The following CELSR1 variants were observed in gnomAD, a reference collection of about 807,000 sequenced individuals.
CELSR1 encodes the protein cadherin EGF LAG seven-pass G-type receptor 1, also known as adhesion G protein-coupled receptor C1.
A neutral mutation model predicts 249.1 loss-of-function variants in CELSR1; 110 were observed. That is an observed-to-expected ratio of 0.44 (90% CI 0.38 to 0.52). CELSR1 has a LOEUF of 0.52. CELSR1 is among the 20% of genes least tolerant of loss of function. CELSR1 has a pLI of 0.00. For synonymous variants in CELSR1, 2,113 were observed against 1,900.0 expected, an observed-to-expected ratio of 1.11 and a Z score of -2.92; for missense variants, 4,109 against 4,296.4, an observed-to-expected ratio of 0.96 and a Z score of 1.22.
At chr22:46,489,856 C>A (rs985574471) in intron 1 of CELSR1, among the ~76,000 whole-genome samples, 3 of 151,032 alleles carry the variant, frequency 2.0e-5, no homozygotes, top group Non-Finnish European at 4.4e-5. Flanking sequence ...AATTGCGCCA[C>A]TGCACTCCAG....
chr22:46,528,866 T>G (rs952845115), intron 1 of CELSR1, among the ~76,000 whole-genome samples: 7 of 150,662 alleles, frequency 4.6e-5, no homozygotes, highest in Non-Finnish European at 7.4e-5. Flanking sequence ...GAGGCGGAGC[T>G]TGCAGTGAGC....
Position 46,507,814 on chromosome 22 carries a change from T to C in CELSR1, c.3544+25813A>G, listed in dbSNP as rs146037297. 5.5e-3 allele frequency among the ~76,000 whole-genome samples: 833 copies of C among 152,198 alleles called. 8 individuals are homozygous for C. Among genetic ancestry groups the C allele is most frequent in the African/African-American group, 0.02 (810 of 41,530 alleles). ...TGTGAAGCCGGCGAGCCTGCCTCTT[T>C]CCCAGAACCTAACACAGCCCAGAGT... On this transcript the variant is annotated intron_variant, in intron 1 of 34. Coordinates refer to ENST00000674500, the MANE Select transcript of CELSR1 (RefSeq NM_001378328.1).
intron 2 of CELSR1, among the ~76,000 whole-genome samples, chr22:46,453,702 T>C (rs1490883282): frequency 1.3e-5 from 2 of 152,172 alleles, no homozygotes; most frequent in Non-Finnish European, 2.9e-5. Context: ...TCTGGGTCAC[T>C]ACTCTCAGGG....
intron 1 of CELSR1, among the ~76,000 whole-genome samples, chr22:46,498,835 C>T (rs890397010): frequency 1.3e-5 from 2 of 151,728 alleles, no homozygotes; most frequent in East Asian, 3.9e-4. Flanking sequence ...AAAATTAACT[C>T]AATAAATTAA....
chr22:46,370,183 G>A (rs1378708614), intron 25 of CELSR1: 1 of 462,290 alleles, frequency 2.2e-6, no homozygotes, highest in Non-Finnish European at 4.3e-6. Context: ...AGGAGGCCAT[G>A]ATGGACCCAA....
intron 1 of CELSR1, among the ~76,000 whole-genome samples, chr22:46,508,680 A>G (rs1285596766): frequency 6.6e-6 from 1 of 152,110 alleles, no homozygotes; most frequent in Non-Finnish European, 1.5e-5. Context: ...GTCGCCTTCC[A>G]AGGCGGTGTG....
chr22:46,409,194 C>T lies in CELSR1; in HGVS notation c.5060-32G>A, dbSNP rs1341309533. 6.2e-7 allele frequency: 1 copy of T among 1,605,238 alleles called. No homozygotes were observed. Among genetic ancestry groups the T allele is most frequent in the African/African-American group, 1.3e-5 (1 of 74,544 alleles). ...ACACAGGCCCAGGGACCTCAGGTGT[C>T]TCCCGAAATCACACGGCCGCGGACT... is the stretch of plus-strand genomic sequence containing the variant. On this transcript the variant is annotated intron_variant, in intron 8 of 34. Coordinates refer to ENST00000674500, the MANE Select transcript of CELSR1 (RefSeq NM_001378328.1). This position sits in a 1 kb window ranked among gnomAD's most constrained non-coding sequence, Gnocchi z 9.8.
chr22:46,366,503 T>TC (rs1425596419), intron 29 of CELSR1, 23 bp from the exon 30 acceptor site: 1 of 1,535,762 alleles, frequency 6.5e-7, no homozygotes. Flanking sequence ...GAGGGGCTGG[T>TC]CACTGCCAAG....
At position 46,423,711 on chromosome 22, in the gene CELSR1, G is replaced by A. The variant is rs1445178727; in HGVS notation, c.4611+9682C>T. ...GTATGGGCCGGGTGCGGTGGCTCACGCCTATAATCCAGCACTTTGGGAGGC... is the reference window on the plus strand; with the variant it reads ...GTATGGGCCGGGTGCGGTGGCTCACACCTATAATCCAGCACTTTGGGAGGC... On this transcript the variant is annotated intron_variant, in intron 5 of 34. Coordinates refer to ENST00000674500, the MANE Select transcript of CELSR1 (RefSeq NM_001378328.1). The surrounding 1 kb of genome is among the most constrained non-coding windows in gnomAD (Gnocchi z 5.6). 2.0e-5 allele frequency among the ~76,000 whole-genome samples: 3 copies of A among 151,596 alleles called. No homozygotes were observed. The highest frequency in any genetic ancestry group is 4.9e-5 in the African/African-American group (2 of 41,210).
chr22:46,532,785 T>C (rs774399154), intron 1 of CELSR1, among the ~76,000 whole-genome samples: 3 of 152,156 alleles, frequency 2.0e-5, no homozygotes, highest in Admixed American at 1.3e-4. Context: ...CTTCTCTCTC[T>C]TCTGTGTCTC....
At chr22:46,376,695 A>AT in intron 24 of CELSR1, among the ~76,000 whole-genome samples, 1 of 151,214 alleles carries the variant, frequency 6.6e-6, no homozygotes, top group Admixed American at 6.6e-5. Flanking sequence ...CAAGAGTTGT[A>AT]TTTTCCTGGG....
chr22:46,487,276 G>A (rs1176775367), intron 1 of CELSR1, among the ~76,000 whole-genome samples: 3 of 151,996 alleles, frequency 2.0e-5, no homozygotes, highest in Non-Finnish European at 4.4e-5. Context: ...GCTAATTGCA[G>A]ACGATGTCTG....
In CELSR1 at chr22:46,437,033, G is replaced by T. The variant is rs1459383558; in HGVS notation, c.4407-744C>A. On this transcript the variant is annotated intron_variant, in intron 3 of 34. Coordinates refer to ENST00000674500, the MANE Select transcript of CELSR1 (RefSeq NM_001378328.1). This position sits in a 1 kb window ranked among gnomAD's most constrained non-coding sequence, Gnocchi z 4.9. The stretch of plus-strand genomic sequence containing the variant: ...AGCTCTCATTCCCTGCTGCATTCCA[G>T]AACCCAAAGAAGATCTGGTCCATAT... Among the ~76,000 whole-genome samples the T allele has an allele frequency of 6.6e-6, 1 of 152,196 alleles. No individual in the cohort carries two copies. The highest frequency in any genetic ancestry group is 1.5e-5 in the Non-Finnish European group (1 of 68,046).
At position 46,369,178 on chromosome 22, in the gene CELSR1, C is replaced by A. The variant is rs1300675366; in HGVS notation, c.7952+1G>T. 6.2e-7 allele frequency: 1 copy of A among 1,613,904 alleles called. No homozygotes were observed. Among genetic ancestry groups the A allele is most frequent in the Non-Finnish European group, 8.5e-7 (1 of 1,179,800 alleles). ...GGCCGGTCAGGTTCAGCCCCACTTA[C>A]ACGATCCCTTTTTTCCCATAATAAT... On this transcript the variant is annotated splice_donor_variant, in intron 27 of 34. Transcript: ENST00000674500. LOFTEE classifies it high-confidence loss of function.
At chr22:46,522,565 A>C (rs1317151146) in intron 1 of CELSR1, among the ~76,000 whole-genome samples, 1 of 152,222 alleles carries the variant, frequency 6.6e-6, no homozygotes, top group Non-Finnish European at 1.5e-5. Context: ...AGTTCTTTAC[A>C]TAGTCTGGAT....
At position 46,445,245 on chromosome 22, in the gene CELSR1, G is replaced by A. The variant is rs1229870765; in HGVS notation, c.4184-5834C>T. Among the ~76,000 whole-genome samples the A allele has an allele frequency of 6.6e-6, 1 of 152,160 alleles. No individual in the cohort carries two copies. Among genetic ancestry groups the A allele is most frequent in the African/African-American group, 2.4e-5 (1 of 41,434 alleles). On this transcript the variant is annotated intron_variant, in intron 2 of 34. Transcript: ENST00000674500. This position sits in a 1 kb window ranked among gnomAD's most constrained non-coding sequence, Gnocchi z 4.4. ...GTAGTGGCTCAGGCCTGTCATCCCA[G>A]CACTTTGGGAGGCCGAGGCAGGTGG...
rs1400388648 is a variant in CELSR1, at chr22:46,372,943, C to T, written c.7699G>A (p.Asp2567Asn). The change falls in exon 25 of 35, where the codon GAC (aspartate) becomes AAC (asparagine). Residue 2567 changes from aspartate to asparagine, a missense_variant. Asp to Asn is a conservative substitution (Grantham distance 23, BLOSUM62 1). Coordinates refer to ENST00000674500, the MANE Select transcript of CELSR1 (RefSeq NM_001378328.1). The part of the protein sequence containing the change: ...YRMLTEVRNI[D>N]TGPMRFYYVV... Reference sequence around the variant, plus strand: ...TAGTAGAACCGCATGGGCCCCGTGTCGATGTTGCGCACCTCGGTCAGCATG... The same window carrying T: ...TAGTAGAACCGCATGGGCCCCGTGTTGATGTTGCGCACCTCGGTCAGCATG... 8.7e-6 allele frequency: 14 copies of T among 1,613,278 alleles called. No homozygotes were observed. The highest frequency in any genetic ancestry group is 1.1e-5 in the Non-Finnish European group (13 of 1,179,838).
In CELSR1 at chr22:46,428,458, C is replaced by T. The variant is rs2079559887; in HGVS notation, c.4611+4935G>A. 1.3e-5 allele frequency among the ~76,000 whole-genome samples: 2 copies of T among 152,328 alleles called. No individual in the cohort carries two copies. The highest frequency in any genetic ancestry group is 2.9e-5 in the Non-Finnish European group (2 of 68,032). ...TGCCTCAAGCTCCGGCCCAGGGTCT[C>T]GCATCTCCACCTGAAGCTACCAGGA... is the stretch of plus-strand genomic sequence containing the variant. On this transcript the variant is annotated intron_variant, in intron 5 of 34. Transcript: ENST00000674500. The surrounding 1 kb of genome is among the most constrained non-coding windows in gnomAD (Gnocchi z 5.7).
chr22:46,409,861 G>T lies in CELSR1; in HGVS notation c.4953C>A (p.Asn1651Lys), dbSNP rs1438349995. 1.2e-6 allele frequency: 2 copies of T among 1,613,540 alleles called. No homozygotes were observed. Among genetic ancestry groups the T allele is most frequent in the Non-Finnish European group, 1.7e-6 (2 of 1,179,984 alleles). Residue 1651 changes from asparagine (N) to lysine (K), a missense_variant, in exon 8 of 35, where the codon AAC becomes AAA. This residue lies in a region of CELSR1 where 453 missense variants were observed against 492.0 expected (regional missense o/e 0.92). Coordinates refer to ENST00000674500, the MANE Select transcript of CELSR1 (RefSeq NM_001378328.1). This position sits in a 1 kb window ranked among gnomAD's most constrained non-coding sequence, Gnocchi z 9.8. Reference sequence around the variant, plus strand: ...TCTGACACCGCCTCCCATCGCAGAAGTTCCTCCGAGCAGCGCAGCCTGGCA... The same window carrying T: ...TCTGACACCGCCTCCCATCGCAGAATTTCCTCCGAGCAGCGCAGCCTGGCA... ...GTREGCAARR[N>K]FCDGRRCQNG...
Sources: allele counts gnomAD v4.1 joint callset (sites outside exome capture counted in the v4.1 genomes callset), GRCh38; gene constraint gnomAD v4.1.1; regional missense constraint gnomAD v4.1.1; non-coding constraint Gnocchi (gnomAD v3.1); transcripts MANE v1.5; gene names NCBI Gene and HGNC (gene_info 2026-07-23, HGNC 2026-07-21).